Variants in EXOC4 observed in about 807,000 individuals in gnomAD.
The protein encoded by EXOC4 is exocyst complex component 4.
In EXOC4, 71 loss-of-function variants were observed where a neutral mutation model predicts 107.2. The observed-to-expected ratio is 0.66, with a 90% CI of 0.55 to 0.81. The LOEUF is 0.81. Ranked by LOEUF, EXOC4 falls within the 30% of genes least tolerant of loss-of-function variation. The pLI, the probability that EXOC4 is intolerant of heterozygous loss-of-function variation, is 0.00. For missense variants in EXOC4, 1,108 were observed against 1,189.6 expected, an observed-to-expected ratio of 0.93 and a Z score of 1.01; for synonymous variants, 456 against 441.2, an observed-to-expected ratio of 1.03 and a Z score of -0.42.
the EXOC4 span, among the ~76,000 whole-genome samples, chr7:134,086,338 GT>G: frequency 6.6e-6 from 1 of 152,296 alleles, no homozygotes; most frequent in South Asian, 2.1e-4. Context: ...AAATTCCACA[GT>G]TGACCTCATG....
At chr7:133,282,802 C>G (rs1794187644) in intron 2 of EXOC4, among the ~76,000 whole-genome samples, 1 of 152,104 alleles carries the variant, frequency 6.6e-6, no homozygotes, top group African/African-American at 2.4e-5. Flanking sequence ...TAGAATCTAC[C>G]TTTTCATCAA....
intron 9 of EXOC4, among the ~76,000 whole-genome samples, chr7:133,550,665 A>G (rs575726662): frequency 6.6e-6 from 1 of 152,088 alleles, no homozygotes; most frequent in African/African-American, 2.4e-5. Flanking sequence ...GTAAGCACCA[A>G]CCTTAACTGA....
chr7:133,938,543 A>G (rs1800356132), intron 14 of EXOC4, among the ~76,000 whole-genome samples: 2 of 152,234 alleles, frequency 1.3e-5, no homozygotes, highest in Admixed American at 1.3e-4. Flanking sequence ...AATGAAGACA[A>G]CAATTATTCT....
intron 7 of EXOC4, among the ~76,000 whole-genome samples, chr7:133,395,629 G>A (rs1164373001): frequency 6.6e-6 from 1 of 152,058 alleles, no homozygotes; most frequent in Non-Finnish European, 1.5e-5. Context: ...TGGAGGAAGT[G>A]AGTTTTACTG....
chr7:133,701,757 G>T (rs148494485), intron 10 of EXOC4, among the ~76,000 whole-genome samples: 4 of 151,818 alleles, frequency 2.6e-5, no homozygotes, highest in African/African-American at 7.3e-5. Context: ...ATATCTTAAG[G>T]TTGGACCCCA....
intron 9 of EXOC4, among the ~76,000 whole-genome samples, chr7:133,622,395 C>T (rs1303135199): frequency 6.6e-6 from 1 of 151,808 alleles, no homozygotes; most frequent in African/African-American, 2.4e-5. Flanking sequence ...GTTTTTTGTT[C>T]CTCCCTTCAT....
At chr7:133,439,182 CTTTTTTTTTTTT>C (rs35280420) in intron 7 of EXOC4, among the ~76,000 whole-genome samples, 1 of 94,066 alleles carries the variant, frequency 1.1e-5, no homozygotes, top group Non-Finnish European at 1.9e-5. Context: ...TTCATCAGTT[CTTTTTTTTTTTT>C]TTTTTTTTTG....
chr7:133,792,048 C>A (rs1172614983), intron 10 of EXOC4, among the ~76,000 whole-genome samples: 1 of 152,012 alleles, frequency 6.6e-6, no homozygotes, highest in Non-Finnish European at 1.5e-5. Flanking sequence ...AATCTGATGA[C>A]AGCTGTGGAC....
chr7:133,434,453 T>C (rs1251795889), intron 7 of EXOC4, among the ~76,000 whole-genome samples: 1 of 152,042 alleles, frequency 6.6e-6, no homozygotes, highest in African/African-American at 2.4e-5. Context: ...TGCTCTGAGC[T>C]CCCCCCTCTG....
intron 9 of EXOC4, among the ~76,000 whole-genome samples, chr7:133,557,741 A>C (rs1563107191): frequency 6.6e-6 from 1 of 152,320 alleles, no homozygotes; most frequent in East Asian, 1.9e-4. Context: ...CTGTAATCCC[A>C]GCACTTTGGG....
the EXOC4 span, among the ~76,000 whole-genome samples, chr7:134,100,893 G>T: frequency 7.9e-6 from 1 of 127,388 alleles, no homozygotes; most frequent in African/African-American, 2.7e-5. Context: ...GCAGTGAGCC[G>T]AGATTGCAGC....
At chr7:133,762,764 A>G (rs753713720) in intron 10 of EXOC4, among the ~76,000 whole-genome samples, 10 of 152,176 alleles carry the variant, frequency 6.6e-5, no homozygotes, top group Non-Finnish European at 1.5e-4. Context: ...GAAAACATGT[A>G]GAATATAAGA....
intron 12 of EXOC4, among the ~76,000 whole-genome samples, chr7:133,911,675 T>C (rs1004455603): frequency 1.3e-5 from 2 of 152,224 alleles, no homozygotes; most frequent in African/African-American, 4.8e-5. Flanking sequence ...TTTCAGCTAA[T>C]GCTAAAATGG....
chr7:133,975,068 A>C (rs1311857571), intron 14 of EXOC4, among the ~76,000 whole-genome samples: 1 of 152,140 alleles, frequency 6.6e-6, no homozygotes, highest in Admixed American at 6.6e-5. Context: ...GAAAGCACAA[A>C]TATTTATTCA....
chr7:133,919,499 T>C (rs1324913390), intron 13 of EXOC4, among the ~76,000 whole-genome samples: 2 of 152,166 alleles, frequency 1.3e-5, no homozygotes, highest in African/African-American at 4.8e-5. Context: ...ATAATTTTGC[T>C]GCCCTAAAAA....
chr7:133,906,648 C>T (rs948891488), intron 12 of EXOC4, among the ~76,000 whole-genome samples: 14 of 152,204 alleles, frequency 9.2e-5, no homozygotes, highest in Non-Finnish European at 1.9e-4. Flanking sequence ...TTCTTCTGCT[C>T]TGTGTTTACT....
chr7:133,628,722 G>A (rs1802515458), intron 9 of EXOC4, among the ~76,000 whole-genome samples: 1 of 152,188 alleles, frequency 6.6e-6, no homozygotes, highest in Non-Finnish European at 1.5e-5. Flanking sequence ...CACAGTGTGT[G>A]TGAGCTTGGG....
intron 14 of EXOC4, among the ~76,000 whole-genome samples, chr7:133,989,195 C>T (rs1433121662): frequency 6.6e-6 from 1 of 152,152 alleles, no homozygotes; most frequent in Non-Finnish European, 1.5e-5. Context: ...CTCACGTTTG[C>T]AGCTGGGATT....
chr7:133,784,618 G>C (rs1419208365), intron 10 of EXOC4, among the ~76,000 whole-genome samples: 1 of 152,182 alleles, frequency 6.6e-6, no homozygotes, highest in Non-Finnish European at 1.5e-5. Flanking sequence ...ACATCACTGA[G>C]TCTTAAATGC....
Sources: gnomAD v4.1 joint callset for allele counts (sites outside exome capture counted in the v4.1 genomes callset) on GRCh38, gnomAD v4.1.1 for gene constraint, MANE v1.5 for transcripts, NCBI Gene and HGNC (gene_info 2026-07-23, HGNC 2026-07-21) for gene names.